UTRN: variants seen among roughly 807,000 people sequenced by gnomAD.
The protein encoded by UTRN is utrophin.
A neutral mutation model predicts 463.9 loss-of-function variants in UTRN; 283 were observed. The ratio of observed to expected loss-of-function variants is 0.61; its 90% CI spans 0.55 to 0.67. The LOEUF (loss-of-function observed/expected upper bound fraction) is 0.67. UTRN is among the 30% of genes least tolerant of loss of function. UTRN has a pLI of 0.00. For missense variants in UTRN, 3,922 were observed against 4,084.3 expected (o/e 0.96, Z 1.08); for synonymous variants, 1,442 against 1,431.5 (o/e 1.01, Z -0.17).
intron 53 of UTRN, among the ~76,000 whole-genome samples, chr6:144,729,216 C>T (rs1392431694): frequency 1.3e-5 from 2 of 152,100 alleles, no homozygotes. Flanking sequence ...TCTCTGTCAG[C>T]TTCATTACCA....
intron 65 of UTRN, among the ~76,000 whole-genome samples, chr6:144,818,329 A>G (rs79529040): frequency 0.018 from 2,788 of 152,178 alleles, 81 homozygotes; most frequent in African/African-American, 0.063. Flanking sequence ...CTGTAATTAG[A>G]TAGTGGTGAT....
intron 64 of UTRN, among the ~76,000 whole-genome samples, chr6:144,801,556 G>A (rs74604329): frequency 0.061 from 9,200 of 151,726 alleles, 879 homozygotes; most frequent in African/African-American, 0.2. Flanking sequence ...CATTTTCCCC[G>A]AACTTTTATA....
chr6:144,403,726 A>G (rs1457653921), intron 3 of UTRN, among the ~76,000 whole-genome samples: 3 of 152,208 alleles, frequency 2.0e-5, no homozygotes, highest in Non-Finnish European at 2.9e-5. Flanking sequence ...GAACATAATC[A>G]ATGCTTTGAG....
chr6:144,330,714 G>T, intron 2 of UTRN: 3 of 614,720 alleles, frequency 4.9e-6, no homozygotes, highest in Non-Finnish European at 6.1e-6. Flanking sequence ...TCCACACCTG[G>T]CAGAGGCTCA....
intron 60 of UTRN, among the ~76,000 whole-genome samples, chr6:144,775,128 C>T (rs1291136844): frequency 2.0e-5 from 3 of 152,052 alleles, no homozygotes; most frequent in African/African-American, 7.2e-5. Flanking sequence ...TCTTTGCTAC[C>T]TTTTGTTAAC....
chr6:144,738,213 C>G (rs1392580280), intron 54 of UTRN, among the ~76,000 whole-genome samples: 1 of 152,186 alleles, frequency 6.6e-6, no homozygotes, highest in African/African-American at 2.4e-5. Flanking sequence ...CCTCCTTGAT[C>G]TCAATGTCTA....
chr6:144,731,689 C>A (rs7764891), intron 54 of UTRN, among the ~76,000 whole-genome samples: 30,211 of 151,870 alleles, frequency 0.2, 3,897 homozygotes, highest in Admixed American at 0.38. Context: ...TGTGTATATA[C>A]ACACATGTAC....
chr6:144,777,398 A>C (rs1318671880), intron 60 of UTRN, among the ~76,000 whole-genome samples: 5 of 152,248 alleles, frequency 3.3e-5, no homozygotes, highest in African/African-American at 1.2e-4. Flanking sequence ...ATTTATATGT[A>C]GTTCAAACCC....
chr6:144,363,014 G>C (rs1779209190), intron 2 of UTRN, among the ~76,000 whole-genome samples: 1 of 152,002 alleles, frequency 6.6e-6, no homozygotes, highest in African/African-American at 2.4e-5. Context: ...TTAATTTTTT[G>C]GGTATGGTTT....
At chr6:144,668,940 GT>G (rs939479579) in intron 51 of UTRN, among the ~76,000 whole-genome samples, 14 of 152,306 alleles carry the variant, frequency 9.2e-5, no homozygotes, top group African/African-American at 3.4e-4. Context: ...TGAAATGCAA[GT>G]TTTTTATTTC....
chr6:144,663,733 T>C (rs924165942), intron 51 of UTRN, among the ~76,000 whole-genome samples: 1 of 152,356 alleles, frequency 6.6e-6, no homozygotes, highest in Admixed American at 6.5e-5. Context: ...AGATGCTTCC[T>C]ATCATAACAA....
intron 54 of UTRN, among the ~76,000 whole-genome samples, chr6:144,741,883 T>C (rs887267666): frequency 6.6e-6 from 1 of 152,140 alleles, no homozygotes; most frequent in Non-Finnish European, 1.5e-5. Flanking sequence ...CTTGAATGTA[T>C]TTAGACTCCA....
chr6:144,735,545 C>T (rs1789287359), intron 54 of UTRN, among the ~76,000 whole-genome samples: 1 of 152,054 alleles, frequency 6.6e-6, no homozygotes, highest in Non-Finnish European at 1.5e-5. Flanking sequence ...TAACTTCATA[C>T]AACAAGAAAG....
At chr6:144,462,562 T>G in intron 22 of UTRN, 92 bp from the exon 23 acceptor site, 2 of 1,233,704 alleles carry the variant, frequency 1.6e-6, no homozygotes, top group Non-Finnish European at 2.2e-6. Flanking sequence ...TAATGCATTT[T>G]AAAGTGACTT....
At chr6:144,412,506 A>AG (rs1412275845) in intron 3 of UTRN, among the ~76,000 whole-genome samples, 1 of 152,122 alleles carries the variant, frequency 6.6e-6, no homozygotes, top group East Asian at 1.9e-4. Flanking sequence ...TAATTTGAAA[A>AG]GGTTTAGAAA....
chr6:144,575,643 A>G (rs777662691), intron 50 of UTRN, among the ~76,000 whole-genome samples: 1 of 152,106 alleles, frequency 6.6e-6, no homozygotes, highest in Non-Finnish European at 1.5e-5. Flanking sequence ...ATTATCATCA[A>G]TGTCTTACTG....
At chr6:144,817,984 T>C (rs1288624503) in intron 65 of UTRN, among the ~76,000 whole-genome samples, 3 of 152,014 alleles carry the variant, frequency 2.0e-5, no homozygotes, top group African/African-American at 2.4e-5. Flanking sequence ...TAGAAAGGGG[T>C]TGTTTTTGTT....
chr6:144,432,887 C>G (rs987307872), intron 9 of UTRN, among the ~76,000 whole-genome samples: 27 of 152,216 alleles, frequency 1.8e-4, no homozygotes, highest in African/African-American at 6.3e-4. Context: ...GGTGATGACT[C>G]TTAACGAGCA....
At position 144,423,536 on chromosome 6, in the gene UTRN, T is replaced by A; in HGVS notation, c.235-13T>A. The A allele has an allele frequency of 6.2e-7, 1 of 1,613,972 alleles. No homozygotes were observed. Among genetic ancestry groups the A allele is most frequent in the Non-Finnish European group, 8.5e-7 (1 of 1,179,918 alleles). On this transcript the variant is annotated splice_polypyrimidine_tract_variant and intron_variant, in intron 4 of 74. Transcript: ENST00000367545. ...ACAATCAGTTTTACTTGCTTTTTTG[T>A]TTTATTTTCCAGCCAAAGGAACGTG...
Sources: allele counts gnomAD v4.1 joint callset (sites outside exome capture counted in the v4.1 genomes callset), GRCh38; gene constraint gnomAD v4.1.1; transcripts MANE v1.5; gene names NCBI Gene and HGNC (gene_info 2026-07-23, HGNC 2026-07-21).